PDRG1: variants seen among roughly 807,000 people sequenced by gnomAD.
PDRG1 encodes the protein p53 and DNA damage-regulated protein 1.
Under a neutral mutation model 18.4 loss-of-function variants are expected in PDRG1, and 14 were observed. The ratio of observed to expected loss-of-function variants is 0.76; its 90% CI spans 0.50 to 1.19. PDRG1 has a LOEUF of 1.19. PDRG1 is among the 50% of genes most tolerant of loss of function. The pLI is 0.00. For missense variants in PDRG1, 177 were observed against 160.1 expected (o/e 1.11, Z -0.57); for synonymous variants, 65 against 60.9 (o/e 1.07, Z -0.31).
Position 31,946,502 on chromosome 20 carries a change from C to A in PDRG1, c.313G>T (p.Ala105Ser). 6.2e-7 allele frequency: 1 copy of A among 1,606,620 alleles called. No individual in the cohort carries two copies. The change falls in exon 4 of 5, where the codon GCC (alanine) becomes TCC (serine). Residue 105 changes from alanine (A) to serine (S), a missense_variant. Ala to Ser is a moderately conservative substitution (Grantham distance 99). Transcript: ENST00000202017. ...GTCCCTGCTAAGCCAATACCTTGGG[C>A]CTCAAAAAGGCGGTTGACCTTCACT... is the stretch of plus-strand genomic sequence containing the variant. The part of the protein sequence containing the change: ...LKVKVNRLFE[A>S]QGKPELKGFN...
chr20:31,946,280 G>C (rs1485658984), intron 4 of PDRG1, among the ~76,000 whole-genome samples: 1 of 152,150 alleles, frequency 6.6e-6, no homozygotes, highest in African/African-American at 2.4e-5. Flanking sequence ...CTGGGACCTG[G>C]AAAAGAAACT....
chr20:31,951,137 T>C (rs1442199339), intron 1 of PDRG1, among the ~76,000 whole-genome samples: 3 of 152,154 alleles, frequency 2.0e-5, no homozygotes, highest in Non-Finnish European at 2.9e-5. Context: ...TGCCCAAGTT[T>C]TCCCCTTCTC....
Position 31,950,479 on chromosome 20 carries a change from T to C in PDRG1, c.88-92A>G. ...CAAGGGTTGCAGAGGCAATGCATTA[T>C]TCCTGATTACATTCAACGTCCTGCC... is the stretch of plus-strand genomic sequence containing the variant. On this transcript the variant is annotated intron_variant, in intron 1 of 4. Coordinates refer to ENST00000202017, the MANE Select transcript of PDRG1 (RefSeq NM_030815.3). 7 of 917,774 alleles carry C rather than the reference T, an allele frequency of 7.6e-6. No homozygotes were observed. In the South Asian group the frequency reaches 8.3e-5, roughly 11 times the overall value. The allele number at this position is 917,774 out of a possible 1,614,324, so 56.9% of individuals were successfully genotyped here.
At chr20:31,950,039 T>A (rs1331828896) in intron 2 of PDRG1, among the ~76,000 whole-genome samples, 1 of 152,204 alleles carries the variant, frequency 6.6e-6, no homozygotes, top group Non-Finnish European at 1.5e-5. Context: ...AACCATCAGT[T>A]TTATACACCC....
At chr20:31,950,244 A>G (rs909692321) in intron 2 of PDRG1, 68 bp downstream of exon 2, 1 of 1,203,778 alleles carries the variant, frequency 8.3e-7, no homozygotes, top group African/African-American at 1.5e-5. Context: ...TCTATCAGGA[A>G]CAAGGTAAAG....
intron 3 of PDRG1, among the ~76,000 whole-genome samples, chr20:31,947,825 G>C (rs1481215006): frequency 6.6e-6 from 1 of 152,112 alleles, no homozygotes; most frequent in Non-Finnish European, 1.5e-5. Context: ...GGGAGGCAAA[G>C]GTTGCAGTGA....
At chr20:31,950,209 T>TAC in intron 2 of PDRG1, 103 bp downstream of exon 2, 1 of 939,706 alleles carries the variant, frequency 1.1e-6, no homozygotes, top group Non-Finnish European at 1.7e-6. Flanking sequence ...GGCTGAGTTA[T>TAC]ACAGCTGTGA....
chr20:31,949,134 G>A lies in PDRG1; in HGVS notation c.164-252C>T, dbSNP rs77232066. On this transcript the variant is annotated intron_variant, in intron 2 of 4. Coordinates refer to ENST00000202017, the MANE Select transcript of PDRG1 (RefSeq NM_030815.3). ...CCTTGTTAATCATAGCAGGTAGTCT[G>A]AGAAGGCCTTACTGATTATATGCTA... 3.6e-3 allele frequency among the ~76,000 whole-genome samples: 542 copies of A among 152,160 alleles called. 19 individuals carry two copies. In the East Asian group the frequency reaches 0.091, roughly 26 times the overall value.
rs117765018 is a variant in PDRG1 at position 31,948,719 on chromosome 20, C to A, written c.238+89G>T. ...TGTGACAGAACTGCCTCTCCTTACGCTGCCTGAAGCCTGACTCCCTGTTCT... is the reference window on the plus strand; with the variant it reads ...TGTGACAGAACTGCCTCTCCTTACGATGCCTGAAGCCTGACTCCCTGTTCT... On this transcript the variant is annotated intron_variant, in intron 3 of 4. Coordinates refer to ENST00000202017, the MANE Select transcript of PDRG1 (RefSeq NM_030815.3). 28 of 1,243,146 alleles carry A rather than the reference C, an allele frequency of 2.3e-5. No homozygotes were observed. In the East Asian group the frequency reaches 6.4e-4, roughly 29 times the overall value. 77.0% of individuals were successfully genotyped at this position (1,243,146 alleles called of 1,614,324 possible).
Position 31,945,792 on chromosome 20 carries a change from C to A in PDRG1, c.*15G>T. ...CCCTGGGGGGTTGCTGGTCCCCCAT[C>A]TTGGTTCTTGAGTCTCATCCTTTCA... On this transcript the variant is annotated 3_prime_UTR_variant, in exon 5 of 5. Transcript: ENST00000202017. 6.2e-7 allele frequency: 1 copy of A among 1,608,754 alleles called. No individual in the cohort carries two copies. Among genetic ancestry groups the A allele is most frequent in the Non-Finnish European group, 8.5e-7 (1 of 1,175,452 alleles).
chr20:31,950,485 A>G, intron 1 of PDRG1, 98 bp from the exon 2 acceptor site: 1 of 868,044 alleles, frequency 1.2e-6, no homozygotes, highest in Non-Finnish European at 1.9e-6. Flanking sequence ...ATTATTCCTG[A>G]TTACATTCAA....
Position 31,948,887 on chromosome 20 carries a change from A to G in PDRG1, c.164-5T>C, listed in dbSNP as rs1428218599. 4 of 1,613,430 alleles carry G rather than the reference A, an allele frequency of 2.5e-6. No homozygotes were observed. The highest frequency in any genetic ancestry group is 3.3e-5 in the Admixed American group (2 of 59,880). On this transcript the variant is annotated splice_polypyrimidine_tract_variant and splice_region_variant and intron_variant, in intron 2 of 4. Transcript: ENST00000202017. ...CGAAGCAAACCATCACATCTTCTGA[A>G]AGAGCAAATAGTAATTCCTTCAACA... is the stretch of plus-strand genomic sequence containing the variant.
chr20:31,946,869 G>C (rs1180654651), intron 3 of PDRG1, among the ~76,000 whole-genome samples: 47 of 152,176 alleles, frequency 3.1e-4, no homozygotes, highest in Non-Finnish European at 1.5e-4. Context: ...AGGACTTTAG[G>C]CTGCCCTCCC....
intron 2 of PDRG1, 57 bp downstream of exon 2, chr20:31,950,255 G>C: frequency 3.1e-6 from 4 of 1,282,332 alleles, no homozygotes; most frequent in Non-Finnish European, 4.5e-6. Flanking sequence ...CAAGGTAAAG[G>C]CCTTAAAGGA....
intron 2 of PDRG1, among the ~76,000 whole-genome samples, chr20:31,949,608 AAGG>A (rs1381791011): frequency 1.3e-5 from 2 of 150,248 alleles, no homozygotes; most frequent in Non-Finnish European, 3.0e-5. Flanking sequence ...AAAGAACAGC[AAGG>A]AGACCAGTGT....
chr20:31,948,925 G>C (rs947743837), intron 2 of PDRG1, 43 bp from the exon 3 acceptor site: 7 of 1,569,164 alleles, frequency 4.5e-6, no homozygotes, highest in African/African-American at 1.4e-5. Context: ...TTTTTTTTGA[G>C]TACCTATTAT....
At chr20:31,945,952 G>C in intron 4 of PDRG1, 63 bp from the exon 5 acceptor site, 1 of 1,387,332 alleles carries the variant, frequency 7.2e-7, no homozygotes, top group East Asian at 2.3e-5. Context: ...CCAGGCCCAG[G>C]AAAGGGGCTG....
In PDRG1 at chr20:31,951,921, A is replaced by G. The variant is rs756926295; in HGVS notation, c.41T>C (p.Val14Ala). Residue 14 changes from valine (V) to alanine (A), a missense_variant, in exon 1 of 5, where the codon GTA becomes GCA. By Grantham distance (64) the Val-to-Ala change is moderately conservative. Transcript: ENST00000202017. ...PEAERVLRYLVEVEELAEEVL... is the reference protein window; with the variant it reads ...PEAERVLRYLAEVEELAEEVL... ...CTCCTCGGCGAGCTCCTCCACTTCT[A>G]CAAGGTACCGCAGCACTCGCTCTGC... is the stretch of plus-strand genomic sequence containing the variant. The G allele has an allele frequency of 2.5e-6, 4 of 1,595,648 alleles. No homozygotes were observed. The highest frequency in any genetic ancestry group is 1.4e-5 in the African/African-American group (1 of 73,828).
chr20:31,949,803 C>T (rs1338524014), intron 2 of PDRG1, among the ~76,000 whole-genome samples: 3 of 152,110 alleles, frequency 2.0e-5, no homozygotes, highest in Non-Finnish European at 4.4e-5. Flanking sequence ...CCTCCCTTAG[C>T]CCCCAAGACC....
Sources: allele counts gnomAD v4.1 joint callset (sites outside exome capture counted in the v4.1 genomes callset), GRCh38; gene constraint gnomAD v4.1.1; transcripts MANE v1.5; gene names NCBI Gene and HGNC (gene_info 2026-07-23, HGNC 2026-07-21).